Variants in NIPA2 observed in about 807,000 individuals in gnomAD.
NIPA2 encodes NIPA magnesium transporter 2.
A neutral mutation model predicts 29.7 loss-of-function variants in NIPA2; 11 were observed. The observed-to-expected ratio is 0.37, with a 90% CI of 0.23 to 0.61. The LOEUF (loss-of-function observed/expected upper bound fraction) is 0.61. Among genes scored for constraint, NIPA2 ranks in the 20% least tolerant of loss-of-function variants. The probability of loss-of-function intolerance (pLI) is 0.66; values close to 1 mark genes in which losing one functional copy is unlikely to be tolerated. For synonymous variants in NIPA2, 183 were observed against 161.9 expected (o/e 1.13, Z -0.99); for missense variants, 426 against 437.9 (o/e 0.97, Z 0.24).
chr15:22,857,700 G>A (rs571099298), intron 5 of NIPA2, among the ~76,000 whole-genome samples: 3 of 151,946 alleles, frequency 2.0e-5, no homozygotes, highest in Non-Finnish European at 4.4e-5. Flanking sequence ...ACCTGGGCAT[G>A]GTGGCGCCCG....
rs753048093 is a variant in NIPA2, at chr15:22,858,639, A to C, written c.287+9A>C. 55 of 1,538,274 alleles carry C rather than the reference A, an allele frequency of 3.6e-5. No individual in the cohort carries two copies. Among genetic ancestry groups the C allele is most frequent in the Non-Finnish European group, 4.3e-5 (49 of 1,130,508 alleles). ...CTCAGCGTGCTAGTAAGGTAAGGAC[A>C]CGTTTTTCATGTAGAAACAGTAGTC... On this transcript the variant is annotated intron_variant, in intron 6 of 7. Transcript: ENST00000337451.
Position 22,867,149 on chromosome 15 carries a change from CT to C in NIPA2, c.*305del. On this transcript the variant is annotated 3_prime_UTR_variant, in exon 8 of 8. Coordinates refer to ENST00000337451, the MANE Select transcript of NIPA2 (RefSeq NM_030922.7). ...TGACAGTTTTAAGTCTATGAAAATGCTTTATTTTTTCATTGGTGATGAAAGT... is the reference window on the plus strand; with the variant it reads ...TGACAGTTTTAAGTCTATGAAAATGCTTATTTTTTCATTGGTGATGAAAGT... The C allele has an allele frequency of 2.2e-6, 1 of 447,772 alleles. No individual in the cohort carries two copies. The allele number at this position is 447,772 out of a possible 1,614,324, so 27.7% of individuals were successfully genotyped here.
intron 7 of NIPA2, among the ~76,000 whole-genome samples, chr15:22,861,074 G>C (rs2058587674): frequency 6.6e-6 from 1 of 152,112 alleles, no homozygotes; most frequent in Admixed American, 6.6e-5. Context: ...GTTTTCTTGA[G>C]ATTGTTTACA....
At position 22,866,989 on chromosome 15, in the gene NIPA2, A is replaced by G; in HGVS notation, c.*142A>G. ...AGATTTCACTAATTTGGACCAAGAAATTACTTTTCTTGTATTTAAACAAAC... is the reference window on the plus strand; with the variant it reads ...AGATTTCACTAATTTGGACCAAGAAGTTACTTTTCTTGTATTTAAACAAAC... On this transcript the variant is annotated 3_prime_UTR_variant, in exon 8 of 8. Transcript: ENST00000337451. The G allele has an allele frequency of 2.5e-6, 2 of 789,128 alleles. No individual in the cohort carries two copies. Among genetic ancestry groups the G allele is most frequent in the Non-Finnish European group, 3.9e-6 (2 of 516,526 alleles). The allele number at this position is 789,128 out of a possible 1,614,324, so 48.9% of individuals were successfully genotyped here.
rs915053155 is a variant in NIPA2, at chr15:22,855,509, C to A, written c.196+2241C>A. On this transcript the variant is annotated intron_variant, in intron 5 of 7. Transcript: ENST00000337451. ...CATGTCTTGTATGCCAGGCATTGTTCTAGGTGCTGGAGATACATCAGTGAG... is the reference window on the plus strand; with the variant it reads ...CATGTCTTGTATGCCAGGCATTGTTATAGGTGCTGGAGATACATCAGTGAG... Among the ~76,000 whole-genome samples the A allele has an allele frequency of 2.7e-4, 41 of 151,954 alleles. 1 individual carries two copies. Among genetic ancestry groups the A allele is most frequent in the African/African-American group, 8.5e-4 (35 of 41,338 alleles).
chr15:22,862,398 T>G, intron 7 of NIPA2, among the ~76,000 whole-genome samples: 1 of 152,272 alleles, frequency 6.6e-6, no homozygotes, highest in South Asian at 2.1e-4. Flanking sequence ...AATACTCCTT[T>G]GATATTCTTG....
In NIPA2 at chr15:22,845,177, A is replaced by C. The variant is rs1898262186; in HGVS notation, c.-184A>C. On this transcript the variant is annotated 5_prime_UTR_variant, in exon 3 of 8. Coordinates refer to ENST00000337451, the MANE Select transcript of NIPA2 (RefSeq NM_030922.7). Reference sequence around the variant, plus strand: ...CCGGCTGTGATAGACCTTCAGTTACAGAGAGAGGGAGCAGAGTGGGACCAG... The same window carrying C: ...CCGGCTGTGATAGACCTTCAGTTACCGAGAGAGGGAGCAGAGTGGGACCAG... 1 of 152,220 alleles carries C rather than the reference A, an allele frequency of 6.6e-6. No individual in the cohort carries two copies. The highest frequency in any genetic ancestry group is 1.5e-5 in the Non-Finnish European group (1 of 68,058). 9.4% of individuals were successfully genotyped at this position (152,220 alleles called of 1,614,324 possible).
intron 2 of NIPA2, among the ~76,000 whole-genome samples, chr15:22,843,801 C>T (rs945272137): frequency 6.6e-6 from 1 of 152,008 alleles, no homozygotes; most frequent in Non-Finnish European, 1.5e-5. Context: ...CAGGCACCCG[C>T]CCTCATGGCA....
chr15:22,852,986 T>C (rs1420168899), intron 4 of NIPA2, among the ~76,000 whole-genome samples: 1 of 152,178 alleles, frequency 6.6e-6, no homozygotes, highest in Non-Finnish European at 1.5e-5. Context: ...CCCTGATGCT[T>C]GGTCCTAAGA....
Position 22,866,041 on chromosome 15 carries a change from CATCT to C in NIPA2, c.449-170_449-167del, listed in dbSNP as rs541460743. ...GCTCGCATTAATCTTCCAGTGTGTCCATCTAAGTAAATTTTTGTGGTTGCATTTC... is the reference window on the plus strand; with the variant it reads ...GCTCGCATTAATCTTCCAGTGTGTCCAAGTAAATTTTTGTGGTTGCATTTC... On this transcript the variant is annotated intron_variant, in intron 7 of 7. Coordinates refer to ENST00000337451, the MANE Select transcript of NIPA2 (RefSeq NM_030922.7). Among the ~76,000 whole-genome samples the C allele has an allele frequency of 4.8e-4, 73 of 152,158 alleles. No individual in the cohort carries two copies. The East Asian group carries it at 8.3e-3, about 17-fold the overall frequency.
rs1484281466 is a variant in NIPA2 at position 22,857,854 on chromosome 15, A to G, written c.197-686A>G. ...TCCATCTCAAAAAAAAAAAAAAAAA[A>G]AAAAGGACCAAATGAAAAGGACTTG... On this transcript the variant is annotated intron_variant, in intron 5 of 7. Transcript: ENST00000337451. Among the ~76,000 whole-genome samples the G allele has an allele frequency of 2.6e-5, 4 of 151,664 alleles. No individual in the cohort carries two copies. In the South Asian group the frequency reaches 8.3e-4, roughly 31 times the overall value.
At chr15:22,844,082 G>C (rs1897899486) in intron 2 of NIPA2, among the ~76,000 whole-genome samples, 1 of 152,118 alleles carries the variant, frequency 6.6e-6, no homozygotes. Flanking sequence ...CCTAGTTTAG[G>C]TTTTCCTTAT....
At chr15:22,846,471 T>C (rs113042522) in intron 3 of NIPA2, among the ~76,000 whole-genome samples, 2 of 152,118 alleles carry the variant, frequency 1.3e-5, no homozygotes, top group South Asian at 2.1e-4. Flanking sequence ...TTAGTAAATA[T>C]TAGTAAATTA....
In NIPA2 at chr15:22,866,938, A is replaced by G. The variant is rs952144472; in HGVS notation, c.*91A>G. On this transcript the variant is annotated 3_prime_UTR_variant, in exon 8 of 8. Transcript: ENST00000337451. ...TCTGAAAAAACATTGTCCTCAAATA[A>G]TGTTCTTTAAAGGCAATCTTTTTAA... is the stretch of plus-strand genomic sequence containing the variant. The G allele has an allele frequency of 2.4e-6, 3 of 1,252,966 alleles. No homozygotes were observed. Among genetic ancestry groups the G allele is most frequent in the Non-Finnish European group, 3.3e-6 (3 of 912,418 alleles). 77.6% of individuals were successfully genotyped at this position (1,252,966 alleles called of 1,614,324 possible). A position where few individuals can be genotyped will look rare whatever the true frequency, so the allele number is the denominator to read the frequency against.
Position 22,866,671 on chromosome 15 carries a change from A to C in NIPA2, c.907A>C (p.Ser303Arg). Residue 303 changes from serine to arginine, a missense_variant, in exon 8 of 8, where the codon AGC (serine) becomes CGC (arginine). Physicochemically the swap from Ser to Arg is moderately radical, Grantham distance 110. Transcript: ENST00000337451. ...IFLLHAFKDV[S>R]FSLASLPVSF... ...CTTGTTGCATGCCTTTAAAGACGTCAGCTTTAGTCTAGCAAGTCTGCCTGT... is the reference window on the plus strand; with the variant it reads ...CTTGTTGCATGCCTTTAAAGACGTCCGCTTTAGTCTAGCAAGTCTGCCTGT... 1 of 1,614,126 alleles carries C rather than the reference A, an allele frequency of 6.2e-7. No homozygotes were observed. The highest frequency in any genetic ancestry group is 1.1e-5 in the South Asian group (1 of 91,088).
intron 5 of NIPA2, among the ~76,000 whole-genome samples, chr15:22,855,307 C>T (rs2058096449): frequency 6.6e-6 from 1 of 151,842 alleles, no homozygotes; most frequent in Non-Finnish European, 1.5e-5. Flanking sequence ...ATCCCAGCTA[C>T]TCGGGAGGCT....
At position 22,866,536 on chromosome 15, in the gene NIPA2, A is replaced by ACAT. The variant is rs1017182568; in HGVS notation, c.775_777dup (p.Ser259dup). The ACAT allele has an allele frequency of 1.9e-6, 3 of 1,613,874 alleles. No homozygotes were observed. In the African/African-American group the frequency reaches 4.0e-5, roughly 22 times the overall value. Reference sequence around the variant, plus strand: ...TCCAATATATTATGTATTCTTTACAACATCAGTTTTAACTTGTTCAGCTAT... The same window carrying ACAT: ...TCCAATATATTATGTATTCTTTACAACATCATCAGTTTTAACTTGTTCAGCTAT... On this transcript the variant is annotated inframe_insertion, in exon 8 of 8. Transcript: ENST00000337451.
At chr15:22,846,694 T>C (rs555998288) in intron 3 of NIPA2, among the ~76,000 whole-genome samples, 7 of 151,882 alleles carry the variant, frequency 4.6e-5, no homozygotes, top group African/African-American at 1.2e-4. Flanking sequence ...TGCACACTTA[T>C]GGTCCCAGCT....
intron 5 of NIPA2, among the ~76,000 whole-genome samples, chr15:22,854,417 G>T (rs2058031204): frequency 1.3e-5 from 2 of 151,486 alleles, no homozygotes. Flanking sequence ...GAGCCACCGT[G>T]CCTGGCCTCT....
Sources: gnomAD v4.1 joint callset for allele counts (sites outside exome capture counted in the v4.1 genomes callset) on GRCh38, gnomAD v4.1.1 for gene constraint, MANE v1.5 for transcripts, NCBI Gene and HGNC (gene_info 2026-07-23, HGNC 2026-07-21) for gene names.